The following FBXL5 variants were observed in gnomAD, a reference collection of about 807,000 sequenced individuals.
FBXL5 encodes the protein F-box/LRR-repeat protein 5.
FBXL5 carries 26 observed loss-of-function variants against 78.3 expected under a neutral mutation model. The ratio of observed to expected loss-of-function variants is 0.33; its 90% CI spans 0.24 to 0.46. FBXL5 has a LOEUF of 0.46. Among genes scored for constraint, FBXL5 ranks in the 20% least tolerant of loss-of-function variants. The pLI, the probability that FBXL5 is intolerant of heterozygous loss-of-function variation, is 1.00. For missense variants in FBXL5, 710 were observed against 829.2 expected (o/e 0.86, Z 1.77); for synonymous variants, 295 against 282.5 (o/e 1.04, Z -0.45).
At chr4:15,675,120 A>G (rs147157847) in intron 1 of FBXL5, among the ~76,000 whole-genome samples, 11 of 152,228 alleles carry the variant, frequency 7.2e-5, no homozygotes, top group Admixed American at 2.0e-4. Flanking sequence ...TGTGATGTGT[A>G]ACCAGGCTTG....
rs1198293927 is a variant in FBXL5 at position 15,605,660 on chromosome 4, G to A, written c.*63C>T. The A allele has an allele frequency of 2.9e-6, 4 of 1,400,910 alleles. No individual in the cohort carries two copies. In the African/African-American group the frequency reaches 4.2e-5, roughly 15 times the overall value. 86.8% of individuals were successfully genotyped at this position (1,400,910 alleles called of 1,614,324 possible). A position where few individuals can be genotyped will look rare whatever the true frequency, so the allele number is the denominator to read the frequency against. On this transcript the variant is annotated 3_prime_UTR_variant, in exon 11 of 11. Coordinates refer to ENST00000341285, the MANE Select transcript of FBXL5 (RefSeq NM_012161.4). ...GGTTAACACAAGAAATGTGCTATGA[G>A]TAAAGTGCATGAAAGAAAGCCTGCT...
At chr4:15,646,459 T>TG (rs199975054) in intron 1 of FBXL5, among the ~76,000 whole-genome samples, 10,194 of 148,124 alleles carry the variant, frequency 0.069, 456 homozygotes, top group Non-Finnish European at 0.094. Flanking sequence ...TATCATTTTT[T>TG]GGAAAAAAAA....
At chr4:15,624,133 T>C (rs1161350645) in intron 9 of FBXL5, among the ~76,000 whole-genome samples, 1 of 152,096 alleles carries the variant, frequency 6.6e-6, no homozygotes, top group Non-Finnish European at 1.5e-5. Flanking sequence ...CTGTAATAAT[T>C]TCATATTAAG....
In FBXL5 at chr4:15,636,188, AG is replaced by A. The variant is rs532920321; in HGVS notation, c.766+305del. On this transcript the variant is annotated intron_variant, in intron 5 of 10. Transcript: ENST00000341285. Reference sequence around the variant, plus strand: ...CTGAAAAACAGTCAAAAGCAGAACTAGTATAATGAATCCCCATGTATCTATC... The same window carrying A: ...CTGAAAAACAGTCAAAAGCAGAACTATATAATGAATCCCCATGTATCTATC... Among the ~76,000 whole-genome samples the A allele has an allele frequency of 4.0e-3, 606 of 152,318 alleles. 6 individuals carry two copies. The highest frequency in any genetic ancestry group is 0.014 in the African/African-American group (579 of 41,572).
rs1424932916 is a variant in FBXL5, at chr4:15,644,495, T to G, written c.298A>C (p.Lys100Gln). The change falls in exon 2 of 11, where the codon AAG (lysine) becomes CAG (glutamine). Residue 100 changes from lysine to glutamine, a missense_variant and splice_region_variant. Physicochemically the swap from Lys to Gln is moderately conservative, Grantham distance 53. Coordinates refer to ENST00000341285, the MANE Select transcript of FBXL5 (RefSeq NM_012161.4). Reference protein sequence around the residue: ...SLFEKGLKNVKNEYEQLNYAK... With the variant: ...SLFEKGLKNVQNEYEQLNYAK... The stretch of plus-strand genomic sequence containing the variant: ...GAATATCCATTTTTGCAACTTACCT[T>G]AACATTCTTCAGTCCCTTTTCAAAG... The G allele has an allele frequency of 6.2e-7, 1 of 1,606,920 alleles. No individual in the cohort carries two copies. The highest frequency in any genetic ancestry group is 1.7e-4 in the Middle Eastern group (1 of 6,040).
chr4:15,638,780 T>A (rs1577461882), intron 3 of FBXL5, 86 bp from the exon 4 acceptor site: 1 of 802,810 alleles, frequency 1.2e-6, no homozygotes, highest in Non-Finnish European at 1.9e-6. Flanking sequence ...ATGGCTCGAA[T>A]GTCGTATTAT....
chr4:15,612,135 TTAAC>T (rs1344471661), intron 10 of FBXL5, 127 bp downstream of exon 10: 9 of 702,780 alleles, frequency 1.3e-5, no homozygotes, highest in East Asian at 1.0e-4. Context: ...TTTATCAAAT[TTAAC>T]TAAATCTGAA....
intron 2 of FBXL5, among the ~76,000 whole-genome samples, chr4:15,643,889 A>C (rs1398800619): frequency 1.3e-5 from 2 of 152,244 alleles, no homozygotes; most frequent in African/African-American, 4.8e-5. Flanking sequence ...AACAGCTTTC[A>C]GACTTGGTGA....
chr4:15,644,354 C>T (rs972382457), intron 2 of FBXL5, 139 bp downstream of exon 2: 9 of 692,762 alleles, frequency 1.3e-5, no homozygotes, highest in Admixed American at 8.5e-5. Flanking sequence ...AAATAGTCTT[C>T]CTTGCCATCT....
At chr4:15,657,803 A>T (rs1040918315), upstream of FBXL5, among the ~76,000 whole-genome samples, 1 of 152,214 alleles carries the variant, frequency 6.6e-6, no homozygotes. Context: ...GTGTAGTATC[A>T]TTACCATAGG....
intron 1 of FBXL5, among the ~76,000 whole-genome samples, chr4:15,652,735 T>G (rs1716258166): frequency 6.6e-6 from 1 of 152,300 alleles, no homozygotes. Context: ...AAATACATTC[T>G]ACTTGAGAAG....
intron 9 of FBXL5, among the ~76,000 whole-genome samples, chr4:15,616,526 C>T (rs959685145): frequency 1.3e-5 from 2 of 152,200 alleles, no homozygotes; most frequent in African/African-American, 2.4e-5. Context: ...CTTCTGTGCT[C>T]GTATCTGAAC....
chr4:15,625,732 T>C lies in FBXL5; in HGVS notation c.1370A>G (p.Glu457Gly). 1.2e-6 allele frequency: 2 copies of C among 1,614,214 alleles called. No homozygotes were observed. The highest frequency in any genetic ancestry group is 4.5e-5 in the East Asian group (2 of 44,888). Residue 457 changes from glutamate to glycine, a missense_variant, in exon 9 of 11, where the codon GAA becomes GGA. Coordinates refer to ENST00000341285, the MANE Select transcript of FBXL5 (RefSeq NM_012161.4). ...CCAGGGGTGTTCATTATCTATTTCT[T>C]CTCCAATGCCCTTGTTAGTTAAATC... ...LHDLTNKGIG[E>G]EIDNEHPWTK...
rs553901558 is a variant in FBXL5 at position 15,616,417 on chromosome 4, C to A, written c.1851-4003G>T. 2.1e-3 allele frequency among the ~76,000 whole-genome samples: 317 copies of A among 152,368 alleles called. 3 individuals are homozygous for A. Among genetic ancestry groups the A allele is most frequent in the Admixed American group, 4.4e-3 (67 of 15,310 alleles). On this transcript the variant is annotated intron_variant, in intron 9 of 10. Coordinates refer to ENST00000341285, the MANE Select transcript of FBXL5 (RefSeq NM_012161.4). Reference sequence around the variant, plus strand: ...ACAGCACCATGCCCCCTCAACCAGGCAACTGGTGAGCAGGGCTAAGATCTT... The same window carrying A: ...ACAGCACCATGCCCCCTCAACCAGGAAACTGGTGAGCAGGGCTAAGATCTT...
At chr4:15,631,592 T>A (rs1435598054) in intron 5 of FBXL5, among the ~76,000 whole-genome samples, 2 of 147,850 alleles carry the variant, frequency 1.4e-5, no homozygotes, top group East Asian at 3.8e-4. Flanking sequence ...GTTTCCTGAC[T>A]TTTTAATGAT....
intron 1 of FBXL5, among the ~76,000 whole-genome samples, chr4:15,646,476 G>A (rs1327046747): frequency 1.3e-5 from 2 of 149,766 alleles, no homozygotes; most frequent in African/African-American, 4.9e-5. Context: ...AAAAAAAAAG[G>A]CAAACTTAAA....
chr4:15,675,572 ATTTT>A (rs60660814), intron 1 of FBXL5, among the ~76,000 whole-genome samples: 11 of 96,674 alleles, frequency 1.1e-4, no homozygotes, highest in African/African-American at 1.6e-4. Context: ...CAAAACTCCT[ATTTT>A]TTTTTTTTTT....
intron 9 of FBXL5, among the ~76,000 whole-genome samples, chr4:15,614,769 C>T (rs373773781): frequency 7.9e-5 from 12 of 152,274 alleles, no homozygotes; most frequent in Middle Eastern, 3.4e-3. Context: ...TCACAGCCCT[C>T]GCTTGCTCTC....
At chr4:15,631,527 C>T (rs1352950455) in intron 5 of FBXL5, among the ~76,000 whole-genome samples, 1 of 152,188 alleles carries the variant, frequency 6.6e-6, no homozygotes, top group East Asian at 1.9e-4. Flanking sequence ...AATTTACACT[C>T]CCACCAACAG....
Sources: allele counts gnomAD v4.1 joint callset (sites outside exome capture counted in the v4.1 genomes callset), GRCh38; gene constraint gnomAD v4.1.1; transcripts MANE v1.5; gene names NCBI Gene and HGNC (gene_info 2026-07-23, HGNC 2026-07-21).